Variants in ANO6 observed in about 807,000 individuals in gnomAD.
ANO6 encodes the protein anoctamin 6, also known as anoctamin-6.
In ANO6, 106 loss-of-function variants were observed where a neutral mutation model predicts 117.5. The ratio of observed to expected loss-of-function variants is 0.90; its 90% CI spans 0.77 to 1.06. The LOEUF is 1.06. Among genes scored for constraint, ANO6 ranks in the 50% least tolerant of loss-of-function variants. The pLI, the probability that ANO6 is intolerant of heterozygous loss-of-function variation, is 0.00. For missense variants in ANO6, 955 were observed against 1,121.1 expected (o/e 0.85, Z 2.12); for synonymous variants, 367 against 385.1 (o/e 0.95, Z 0.55).
In ANO6 at chr12:45,416,808, C is replaced by G. The variant is rs201441257; in HGVS notation, c.2121C>G (p.Thr707=). 1.4e-4 allele frequency: 231 copies of G among 1,614,140 alleles called. 1 individual carries two copies. Among genetic ancestry groups the G allele is most frequent in the Non-Finnish European group, 7.6e-6 (9 of 1,180,014 alleles). ...TAAGAGTGGACGCATGGAAACTGAC[C>G]ACCCAGTTTAGACGCCTGGTACCAG... The part of the protein sequence containing the change: ...LEIRVDAWKL[T]TQFRRLVPEK... The change falls in exon 17 of 20, where the codon ACC becomes ACG. Residue 707 remains threonine, a synonymous_variant. Coordinates refer to ENST00000320560, the MANE Select transcript of ANO6 (RefSeq NM_001025356.3).
intron 1 of ANO6, among the ~76,000 whole-genome samples, chr12:45,239,149 T>C (rs796767091): frequency 6.6e-6 from 1 of 151,796 alleles, no homozygotes; most frequent in Non-Finnish European, 1.5e-5. Context: ...TGGTAGAATT[T>C]GGCTGTGAAT....
At chr12:45,299,721 G>C (rs1939417364) in intron 1 of ANO6, among the ~76,000 whole-genome samples, 2 of 151,910 alleles carry the variant, frequency 1.3e-5, no homozygotes, top group Admixed American at 1.3e-4. Flanking sequence ...AGGTGTAGTG[G>C]CACGCCTGTA....
chr12:45,371,263 A>AG lies in ANO6; in HGVS notation c.1104+3472dup, dbSNP rs1941825002. On this transcript the variant is annotated intron_variant, in intron 9 of 19. Coordinates refer to ENST00000320560, the MANE Select transcript of ANO6 (RefSeq NM_001025356.3). ...CACAGCAGTCTGAGATCAAACTGCAAGGCGGCAGCGAGGCTAGGGGAGGGG... is the reference window on the plus strand; with the variant it reads ...CACAGCAGTCTGAGATCAAACTGCAAGGGCGGCAGCGAGGCTAGGGGAGGGG... Among the ~76,000 whole-genome samples, 3 of 152,214 alleles carry AG rather than the reference A, an allele frequency of 2.0e-5. No individual in the cohort carries two copies. In the South Asian group the frequency reaches 6.2e-4, roughly 32 times the overall value.
intron 2 of ANO6, among the ~76,000 whole-genome samples, chr12:45,323,902 T>G (rs1940367686): frequency 6.6e-6 from 1 of 151,816 alleles, no homozygotes; most frequent in Non-Finnish European, 1.5e-5. Context: ...AAAACATTTT[T>G]TCATCACTGT....
intron 4 of ANO6, 99 bp downstream of exon 4, chr12:45,347,186 G>C (rs1941157880): frequency 1.8e-6 from 2 of 1,124,962 alleles, no homozygotes; most frequent in Non-Finnish European, 2.7e-6. Flanking sequence ...ATGCAGCCCT[G>C]GCCACATCTT....
chr12:45,293,736 T>TTG (rs1189783636), intron 1 of ANO6, among the ~76,000 whole-genome samples: 3 of 127,972 alleles, frequency 2.3e-5, no homozygotes, highest in Non-Finnish European at 4.9e-5. Context: ...AATGTTTTTT[T>TTG]TTTTTTTTTT....
chr12:45,425,544 T>G (rs1268016775), intron 19 of ANO6, among the ~76,000 whole-genome samples: 2 of 152,196 alleles, frequency 1.3e-5, no homozygotes, highest in African/African-American at 4.8e-5. Context: ...AGTAAGCTTT[T>G]CAACAGTAAC....
At chr12:45,270,025 T>C (rs1938343995) in intron 1 of ANO6, among the ~76,000 whole-genome samples, 1 of 152,158 alleles carries the variant, frequency 6.6e-6, no homozygotes, top group African/African-American at 2.4e-5. Context: ...CAGCCTCCAC[T>C]GGGATTTCTA....
intron 13 of ANO6, 50 bp from the exon 14 acceptor site, chr12:45,403,022 C>T (rs1592023187): frequency 6.4e-7 from 1 of 1,556,826 alleles, no homozygotes; most frequent in Non-Finnish European, 8.9e-7. Flanking sequence ...ATTAGAGTCT[C>T]AAAGCTGTTC....
chr12:45,428,881 A>G (rs906573292), intron 19 of ANO6, among the ~76,000 whole-genome samples: 12 of 152,180 alleles, frequency 7.9e-5, no homozygotes, highest in African/African-American at 2.9e-4. Flanking sequence ...GTGTGTATAT[A>G]TACTTTTCTA....
At chr12:45,250,927 G>T (rs1321199322) in intron 1 of ANO6, among the ~76,000 whole-genome samples, 1 of 151,944 alleles carries the variant, frequency 6.6e-6, no homozygotes, top group Non-Finnish European at 1.5e-5. Flanking sequence ...AACAAAATAG[G>T]CTGGGCATGA....
At chr12:45,398,153 C>T (rs919915820) in intron 12 of ANO6, among the ~76,000 whole-genome samples, 1 of 152,088 alleles carries the variant, frequency 6.6e-6, no homozygotes, top group Non-Finnish European at 1.5e-5. Context: ...AACAATAGGG[C>T]AAACAAGAGG....
intron 1 of ANO6, among the ~76,000 whole-genome samples, chr12:45,238,483 C>T (rs1027724364): frequency 2.0e-5 from 3 of 152,058 alleles, no homozygotes; most frequent in Non-Finnish European, 4.4e-5. Flanking sequence ...ACAATCATGT[C>T]ATCTACAAAC....
chr12:45,370,691 A>G (rs1197387571), intron 9 of ANO6, among the ~76,000 whole-genome samples: 3 of 152,194 alleles, frequency 2.0e-5, no homozygotes, highest in Admixed American at 2.0e-4. Flanking sequence ...ATTAAAACTT[A>G]ATTTGGAGAA....
intron 1 of ANO6, among the ~76,000 whole-genome samples, chr12:45,271,127 A>G (rs1715334055): frequency 6.6e-6 from 1 of 152,224 alleles, no homozygotes. Flanking sequence ...TTTTAGCAAA[A>G]AATGTTTGGC....
At chr12:45,437,182 A>C (rs1350684407), downstream of ANO6, among the ~76,000 whole-genome samples, 3 of 152,214 alleles carry the variant, frequency 2.0e-5, no homozygotes, top group Non-Finnish European at 4.4e-5. Context: ...GAGGTCCACA[A>C]ACACAAAACT....
chr12:45,392,885 G>A (rs929533940), intron 12 of ANO6, among the ~76,000 whole-genome samples: 1 of 152,204 alleles, frequency 6.6e-6, no homozygotes, highest in Non-Finnish European at 1.5e-5. Flanking sequence ...CCACAAAGAT[G>A]AGGAGAAACC....
chr12:45,318,307 G>A (rs893222970), intron 2 of ANO6, among the ~76,000 whole-genome samples: 24 of 152,280 alleles, frequency 1.6e-4, no homozygotes, highest in East Asian at 3.9e-4. Context: ...TGTATAAGGC[G>A]TAAGGAAGGG....
At chr12:45,396,701 C>A (rs558880503) in intron 12 of ANO6, among the ~76,000 whole-genome samples, 1 of 152,200 alleles carries the variant, frequency 6.6e-6, no homozygotes, top group Non-Finnish European at 1.5e-5. Flanking sequence ...ACCATTTGAT[C>A]TTTGACAGAC....
Sources: allele counts gnomAD v4.1 joint callset (sites outside exome capture counted in the v4.1 genomes callset), GRCh38; gene constraint gnomAD v4.1.1; transcripts MANE v1.5; gene names NCBI Gene and HGNC (gene_info 2026-07-23, HGNC 2026-07-21).